SNTG2: variants seen among roughly 807,000 people sequenced by gnomAD.
SNTG2 encodes gamma-2-syntrophin.
In SNTG2, 74 loss-of-function variants were observed where a neutral mutation model predicts 70.9. The ratio of observed to expected loss-of-function variants is 1.04; its 90% CI spans 0.86 to 1.27. The LOEUF (loss-of-function observed/expected upper bound fraction) is 1.27, where lower values mean the gene tolerates loss of function less well. Ranked by LOEUF, SNTG2 falls within the 50% of genes most tolerant of loss-of-function variation. The pLI, the probability that SNTG2 is intolerant of heterozygous loss-of-function variation, is 0.00. For synonymous variants in SNTG2, 278 were observed against 273.8 expected (o/e 1.02, Z -0.15); for missense variants, 717 against 690.7 (o/e 1.04, Z -0.43).
intron 16 of SNTG2, among the ~76,000 whole-genome samples, chr2:1,360,408 C>G (rs1218300400): frequency 6.6e-6 from 1 of 152,162 alleles, no homozygotes; most frequent in Non-Finnish European, 1.5e-5. Flanking sequence ...CCAGCCTGTT[C>G]AGGAGAGCTC....
chr2:1,037,262 C>T (rs1262520878), intron 1 of SNTG2, among the ~76,000 whole-genome samples: 4 of 152,182 alleles, frequency 2.6e-5, no homozygotes, highest in African/African-American at 9.6e-5. Flanking sequence ...GACACCAAGG[C>T]AGTGGGGGCT....
intron 1 of SNTG2, among the ~76,000 whole-genome samples, chr2:1,044,740 C>G (rs1234424809): frequency 2.6e-5 from 4 of 152,078 alleles, no homozygotes; most frequent in Non-Finnish European, 5.9e-5. Context: ...GGGATAAAGC[C>G]TACTTGATAG....
chr2:1,159,868 T>C (rs549443505), intron 6 of SNTG2, among the ~76,000 whole-genome samples: 1 of 152,176 alleles, frequency 6.6e-6, no homozygotes, highest in Non-Finnish European at 1.5e-5. Context: ...TTAATTAAAA[T>C]GCAAATATGA....
chr2:972,902 A>G (rs1441295887), intron 1 of SNTG2, among the ~76,000 whole-genome samples: 2 of 152,224 alleles, frequency 1.3e-5, no homozygotes, highest in Non-Finnish European at 2.9e-5. Flanking sequence ...TTTTCTTTAT[A>G]AATTACTCAG....
At chr2:1,026,362 A>G (rs184249483) in intron 1 of SNTG2, among the ~76,000 whole-genome samples, 5 of 152,244 alleles carry the variant, frequency 3.3e-5, no homozygotes, top group Admixed American at 1.3e-4. Context: ...TCCAAATTTT[A>G]TGCAGTTTTT....
intron 6 of SNTG2, among the ~76,000 whole-genome samples, chr2:1,140,209 T>C (rs1174414185): frequency 6.6e-6 from 1 of 152,240 alleles, no homozygotes; most frequent in East Asian, 1.9e-4. Flanking sequence ...TTATTCACTC[T>C]ACTGCTTTGG....
intron 1 of SNTG2, among the ~76,000 whole-genome samples, chr2:974,369 G>T (rs1453348053): frequency 1.3e-5 from 2 of 152,200 alleles, no homozygotes; most frequent in Non-Finnish European, 2.9e-5. Context: ...TTCCCCCACA[G>T]GAAGCTGCAC....
intron 16 of SNTG2, among the ~76,000 whole-genome samples, chr2:1,333,948 T>A (rs1000959604): frequency 6.6e-6 from 1 of 152,094 alleles, no homozygotes; most frequent in Non-Finnish European, 1.5e-5. Flanking sequence ...AGATGAGACC[T>A]AATTAAACTA....
intron 15 of SNTG2, 22 bp from the exon 16 acceptor site, chr2:1,316,243 A>G: frequency 8.3e-7 from 1 of 1,200,986 alleles, no homozygotes; most frequent in Non-Finnish European, 1.2e-6. Context: ...AGAAATCGCT[A>G]ATTAATTTTA....
chr2:1,121,958 A>G (rs1329480550), intron 4 of SNTG2, among the ~76,000 whole-genome samples: 1 of 152,240 alleles, frequency 6.6e-6, no homozygotes, highest in Non-Finnish European at 1.5e-5. Flanking sequence ...TGAAAGGATC[A>G]TAAGGGACTA....
At chr2:1,076,473 C>G (rs1663921834) in intron 1 of SNTG2, among the ~76,000 whole-genome samples, 1 of 152,190 alleles carries the variant, frequency 6.6e-6, no homozygotes, top group Admixed American at 6.5e-5. Flanking sequence ...TTTATAACAA[C>G]TTGCATACAT....
At chr2:1,222,065 T>TCTCTCTGTC (rs1675141567) in intron 9 of SNTG2, among the ~76,000 whole-genome samples, 1 of 1,828 alleles carries the variant, frequency 5.5e-4, no homozygotes, top group Non-Finnish European at 1.1e-3. Context: ...CTGTCTCTGT[T>TCTCTCTGTC]TCTCTCTGTC....
chr2:1,168,499 C>T (rs1670905611), intron 7 of SNTG2, among the ~76,000 whole-genome samples: 1 of 152,226 alleles, frequency 6.6e-6, no homozygotes, highest in Non-Finnish European at 1.5e-5. Context: ...AGCCACTCCC[C>T]CATCACAAGC....
chr2:952,630 G>A (rs977649961), intron 1 of SNTG2, among the ~76,000 whole-genome samples: 1 of 151,766 alleles, frequency 6.6e-6, no homozygotes, highest in East Asian at 1.9e-4. Flanking sequence ...TTGATTATTT[G>A]AAACAGCCTG....
At chr2:1,273,176 C>T (rs558669635) in intron 14 of SNTG2, among the ~76,000 whole-genome samples, 8 of 152,246 alleles carry the variant, frequency 5.3e-5, no homozygotes, top group African/African-American at 1.9e-4. Flanking sequence ...CACACAGCTC[C>T]CTTGGTAGGA....
chr2:994,446 A>G (rs918759261), intron 1 of SNTG2, among the ~76,000 whole-genome samples: 2 of 152,040 alleles, frequency 1.3e-5, no homozygotes, highest in African/African-American at 4.8e-5. Flanking sequence ...CTTGGTAGTA[A>G]GTTTTGAAAT....
At chr2:1,157,028 C>G (rs1049795080) in intron 6 of SNTG2, among the ~76,000 whole-genome samples, 1 of 152,152 alleles carries the variant, frequency 6.6e-6, no homozygotes, top group Non-Finnish European at 1.5e-5. Flanking sequence ...GTCATTTGCT[C>G]CAGGAAGCTG....
At chr2:1,244,604 G>C (rs892865255) in intron 11 of SNTG2, among the ~76,000 whole-genome samples, 9 of 150,356 alleles carry the variant, frequency 6.0e-5, no homozygotes, top group Non-Finnish European at 1.2e-4. Context: ...GCTGAGGCAG[G>C]AGAATGGCGT....
chr2:1,204,209 C>T (rs2147977654), intron 8 of SNTG2, among the ~76,000 whole-genome samples: 1 of 152,208 alleles, frequency 6.6e-6, no homozygotes, highest in African/African-American at 2.4e-5. Context: ...TACTCTGTTT[C>T]ATAATTTGGA....
Sources: allele counts gnomAD v4.1 joint callset (sites outside exome capture counted in the v4.1 genomes callset), GRCh38; gene constraint gnomAD v4.1.1; transcripts MANE v1.5; gene names NCBI Gene and HGNC (gene_info 2026-07-23, HGNC 2026-07-21).